TDRD3: variants seen among roughly 807,000 people sequenced by gnomAD.
TDRD3 encodes tudor domain-containing protein 3.
TDRD3 carries 45 observed loss-of-function variants against 86.7 expected under a neutral mutation model. The observed-to-expected ratio is 0.52, with a 90% CI of 0.41 to 0.67. The LOEUF (loss-of-function observed/expected upper bound fraction) is 0.67, where lower values mean the gene tolerates loss of function less well. Among genes scored for constraint, TDRD3 ranks in the 30% least tolerant of loss-of-function variants. The pLI is 0.00. For missense variants in TDRD3, 814 were observed against 889.0 expected (o/e 0.92, Z 1.07); for synonymous variants, 298 against 301.7 (o/e 0.99, Z 0.13).
chr13:60,547,480 A>G (rs1054553089), intron 12 of TDRD3: 13 of 909,320 alleles, frequency 1.4e-5, no homozygotes, highest in East Asian at 2.4e-4. Context: ...CTTACTACCT[A>G]TGTGACTTTG....
chr13:60,572,066 G>A (rs938543538), intron 13 of TDRD3, among the ~76,000 whole-genome samples: 5 of 152,276 alleles, frequency 3.3e-5, no homozygotes, highest in East Asian at 1.9e-4. Flanking sequence ...AACTTTGTGC[G>A]TTTGGAGAGG....
At chr13:60,572,616 TTAAA>T (rs1595139031) in intron 13 of TDRD3, among the ~76,000 whole-genome samples, 2 of 152,124 alleles carry the variant, frequency 1.3e-5, no homozygotes, top group East Asian at 3.9e-4. Context: ...TGTAAAGCAG[TTAAA>T]TAAACGCTGA....
In TDRD3 at chr13:60,554,577, A is replaced by G. The variant is rs560702522; in HGVS notation, c.2119-12948A>G. ...TTTAAATAATCTTATGGATAAACTT[A>G]GAATTTTTAAAAAGTTGATTGTCTT... On this transcript the variant is annotated intron_variant, in intron 12 of 13. Transcript: ENST00000377881. Among the ~76,000 whole-genome samples, 12 of 152,312 alleles carry G rather than the reference A, an allele frequency of 7.9e-5. No homozygotes were observed. In the East Asian group the frequency reaches 2.3e-3, roughly 29 times the overall value.
At chr13:60,568,429 T>TG (rs1343130656) in intron 13 of TDRD3, among the ~76,000 whole-genome samples, 5 of 152,238 alleles carry the variant, frequency 3.3e-5, no homozygotes, top group Non-Finnish European at 7.3e-5. Flanking sequence ...AATAACTGGT[T>TG]TGTCATTTAG....
Position 60,435,918 on chromosome 13 carries a change from G to GTTTTTTTTTTTTTTTTTTTTTT in TDRD3, c.42-3757_42-3756insTTTTTTTTTTTTTTTTTTTTTT, listed in dbSNP as rs767705603. On this transcript the variant is annotated intron_variant, in intron 1 of 13. Transcript: ENST00000377881. ...AAACCACATCATGACAACATCTATG[G>GTTTTTTTTTTTTTTTTTTTTTT]TTTTTTTTTTTTTACTTTTTAATTA... Among the ~76,000 whole-genome samples, 14 of 124,768 alleles carry GTTTTTTTTTTTTTTTTTTTTTT rather than the reference G, an allele frequency of 1.1e-4. 1 individual carries two copies. Among genetic ancestry groups the GTTTTTTTTTTTTTTTTTTTTTT allele is most frequent in the Non-Finnish European group, 2.5e-4 (14 of 55,102 alleles). 81.9% of individuals were successfully genotyped at this position (124,768 alleles called of 152,430 possible).
intron 2 of TDRD3, among the ~76,000 whole-genome samples, chr13:60,442,019 G>A (rs1292146965): frequency 6.6e-6 from 1 of 152,164 alleles, no homozygotes; most frequent in African/African-American, 2.4e-5. Context: ...TGCCAGCCTA[G>A]GGCTAACCTT....
intron 12 of TDRD3, among the ~76,000 whole-genome samples, chr13:60,565,138 C>T (rs1958423249): frequency 6.9e-6 from 1 of 143,942 alleles, no homozygotes; most frequent in Non-Finnish European, 1.5e-5. Context: ...TCACTGCAAG[C>T]TTCGCCTCCC....
At chr13:60,460,234 A>T (rs932060469) in intron 3 of TDRD3, 146 bp from the exon 4 acceptor site, 1 of 687,760 alleles carries the variant, frequency 1.5e-6, no homozygotes, top group South Asian at 3.7e-5. Context: ...TTGATAATAT[A>T]TAATTTCAGT....
intron 10 of TDRD3, among the ~76,000 whole-genome samples, chr13:60,512,803 C>T (rs1957087786): frequency 6.6e-6 from 1 of 152,206 alleles, no homozygotes; most frequent in African/African-American, 2.4e-5. Context: ...GATACAGCCT[C>T]CCTCCCAGCT....
At chr13:60,509,494 A>G (rs938128918) in intron 8 of TDRD3, 4 of 342,388 alleles carry the variant, frequency 1.2e-5, no homozygotes, top group Admixed American at 9.0e-5. Flanking sequence ...TTCAAAGGCC[A>G]TACTCTAACA....
At chr13:60,477,887 C>T (rs1166237692) in intron 5 of TDRD3, among the ~76,000 whole-genome samples, 1 of 152,096 alleles carries the variant, frequency 6.6e-6, no homozygotes, top group African/African-American at 2.4e-5. Flanking sequence ...TGGCTTTGTG[C>T]AAAGAAGTAG....
intron 3 of TDRD3, among the ~76,000 whole-genome samples, chr13:60,455,074 C>T (rs1254233951): frequency 1.1e-4 from 16 of 152,032 alleles, no homozygotes; most frequent in South Asian, 2.1e-4. Flanking sequence ...CCACCACGCC[C>T]GGCTAATTTT....
intron 12 of TDRD3, among the ~76,000 whole-genome samples, chr13:60,554,417 C>T (rs1958140674): frequency 6.6e-6 from 1 of 152,132 alleles, no homozygotes; most frequent in Non-Finnish European, 1.5e-5. Flanking sequence ...AATCTCCAGT[C>T]TTACACATTG....
chr13:60,432,857 C>T (rs533157859), intron 1 of TDRD3, among the ~76,000 whole-genome samples: 1 of 152,134 alleles, frequency 6.6e-6, no homozygotes, highest in African/African-American at 2.4e-5. Context: ...ATTCATTTAT[C>T]AAACTCCCAT....
At position 60,524,534 on chromosome 13, in the gene TDRD3, A is replaced by T. The variant is rs578097231; in HGVS notation, c.1142-3833A>T. On this transcript the variant is annotated intron_variant, in intron 10 of 13. Coordinates refer to ENST00000377881, the MANE Select transcript of TDRD3 (RefSeq NM_001146070.2). ...AAAAAAAAATAAATAAATAAATAAA[A>T]AAAGAGAAAAGAAAAGAACGATTGC... Among the ~76,000 whole-genome samples, 108 of 151,998 alleles carry T rather than the reference A, an allele frequency of 7.1e-4. 1 individual carries two copies. Among genetic ancestry groups the T allele is most frequent in the Middle Eastern group, 3.4e-3 (1 of 294 alleles).
intron 11 of TDRD3, among the ~76,000 whole-genome samples, chr13:60,533,013 GTGTT>G (rs1957619825): frequency 6.6e-6 from 1 of 152,102 alleles, no homozygotes; most frequent in Non-Finnish European, 1.5e-5. Context: ...GCATGATTCA[GTGTT>G]TGTTTAATTT....
chr13:60,494,686 A>G lies in TDRD3; in HGVS notation c.858+111A>G, dbSNP rs1297859149. 8 of 927,870 alleles carry G rather than the reference A, an allele frequency of 8.6e-6. No individual in the cohort carries two copies. The Admixed American group carries it at 1.5e-4, about 17-fold the overall frequency. The allele number at this position is 927,870 out of a possible 1,614,324, so 57.5% of individuals were successfully genotyped here. A position where few individuals can be genotyped will look rare whatever the true frequency, so the allele number is the denominator to read the frequency against. On this transcript the variant is annotated intron_variant, in intron 8 of 13. Transcript: ENST00000377881. Reference sequence around the variant, plus strand: ...GTGCAATGTATTATGGATAGATGTTATAACTCTTGAAGGCTTTCATTAAGG... The same window carrying G: ...GTGCAATGTATTATGGATAGATGTTGTAACTCTTGAAGGCTTTCATTAAGG...
chr13:60,534,728 C>A (rs1957660888), intron 11 of TDRD3, among the ~76,000 whole-genome samples: 1 of 151,898 alleles, frequency 6.6e-6, no homozygotes, highest in Admixed American at 6.6e-5. Flanking sequence ...GAGTTTGAGA[C>A]CAGCCTGGGC....
At chr13:60,540,843 A>G (rs1255651652) in intron 12 of TDRD3, among the ~76,000 whole-genome samples, 1 of 152,162 alleles carries the variant, frequency 6.6e-6, no homozygotes, top group Non-Finnish European at 1.5e-5. Flanking sequence ...AATATAGATT[A>G]TGTTATTATT....
Sources: allele counts gnomAD v4.1 joint callset (sites outside exome capture counted in the v4.1 genomes callset), GRCh38; gene constraint gnomAD v4.1.1; transcripts MANE v1.5; gene names NCBI Gene and HGNC (gene_info 2026-07-23, HGNC 2026-07-21).